The following ARID1B variants were observed in gnomAD, a reference collection of about 807,000 sequenced individuals.
The protein encoded by ARID1B is AT-rich interactive domain-containing protein 1B.
ARID1B carries 30 observed loss-of-function variants against 212.3 expected under a neutral mutation model. The ratio of observed to expected loss-of-function variants is 0.14; its 90% CI spans 0.11 to 0.19. ARID1B has a LOEUF of 0.19. ARID1B is among the 10% of genes least tolerant of loss of function. The probability of loss-of-function intolerance (pLI) is 1.00; values close to 1 mark genes in which losing one functional copy is unlikely to be tolerated. For synonymous variants in ARID1B, 1,402 were observed against 1,301.7 expected (o/e 1.08, Z -1.66); for missense variants, 2,891 against 3,204.0 (o/e 0.90, Z 2.36).
chr6:156,825,024 C>A (rs527433270), intron 1 of ARID1B, among the ~76,000 whole-genome samples: 9 of 152,032 alleles, frequency 5.9e-5, no homozygotes, highest in Non-Finnish European at 1.2e-4. Context: ...GCCACCATGC[C>A]TGGCTAATTT....
chr6:156,959,008 CTATT>C (rs1322933625), intron 4 of ARID1B, among the ~76,000 whole-genome samples: 1 of 152,188 alleles, frequency 6.6e-6, no homozygotes, highest in African/African-American at 2.4e-5. Context: ...ACCCCAAAGA[CTATT>C]TAATTATCAT....
chr6:157,050,669 A>G (rs895884628), intron 4 of ARID1B, among the ~76,000 whole-genome samples: 14 of 152,180 alleles, frequency 9.2e-5, no homozygotes, highest in Admixed American at 5.2e-4. Context: ...GTAGTAAATA[A>G]CCTTCATTAA....
intron 4 of ARID1B, among the ~76,000 whole-genome samples, chr6:157,005,103 G>T (rs562240563): frequency 6.7e-6 from 1 of 149,780 alleles, no homozygotes; most frequent in African/African-American, 2.5e-5. Flanking sequence ...TAGTAGAGAC[G>T]GGGTTTCACC....
intron 4 of ARID1B, among the ~76,000 whole-genome samples, chr6:157,045,342 C>CTAA (rs1782162900): frequency 6.6e-6 from 1 of 152,144 alleles, no homozygotes; most frequent in Admixed American, 6.5e-5. Context: ...ATAGTTATTT[C>CTAA]TTTTATGAGT....
At chr6:156,883,868 A>G (rs998723323) in intron 2 of ARID1B, among the ~76,000 whole-genome samples, 3 of 152,284 alleles carry the variant, frequency 2.0e-5, no homozygotes, top group African/African-American at 7.2e-5. Flanking sequence ...ACCAGCAGTA[A>G]GTTCTCTTTC....
chr6:157,124,594 T>A (rs1387664717), intron 6 of ARID1B, among the ~76,000 whole-genome samples: 1 of 152,246 alleles, frequency 6.6e-6, no homozygotes, highest in Non-Finnish European at 1.5e-5. Flanking sequence ...CACACCATCT[T>A]GTTTTTTAAG....
At chr6:157,010,618 C>A (rs1410707922) in intron 4 of ARID1B, among the ~76,000 whole-genome samples, 1 of 144,866 alleles carries the variant, frequency 6.9e-6, no homozygotes, top group Admixed American at 6.9e-5. Flanking sequence ...CCATGCCCGG[C>A]CTGTTTTTTT....
chr6:156,873,205 G>A (rs1786286763), intron 2 of ARID1B, among the ~76,000 whole-genome samples: 2 of 152,138 alleles, frequency 1.3e-5, no homozygotes, highest in Admixed American at 1.3e-4. Flanking sequence ...AAAGGGGAAT[G>A]GGCACAAATT....
At position 157,189,772 on chromosome 6, in the gene ARID1B, A is replaced by C; in HGVS notation, c.4050A>C (p.Gln1350His). ...CTCACGGCCAGATGACTCCAATGCAAGGTGGAAGGTATGTTCAAATAACTC... is the reference window on the plus strand; with the variant it reads ...CTCACGGCCAGATGACTCCAATGCACGGTGGAAGGTATGTTCAAATAACTC... ...STPHGQMTPM[Q>H]GGRSSTISVH... is the part of the protein sequence containing the mutation. Residue 1350 changes from glutamine (Q) to histidine (H), a missense_variant, in exon 14 of 20, where the codon CAA becomes CAC. This residue lies in a region of ARID1B where 666 missense variants were observed against 873.5 expected (regional missense o/e 0.76). Transcript: ENST00000636930. 1 of 1,613,502 alleles carries C rather than the reference A, an allele frequency of 6.2e-7. No homozygotes were observed.
intron 3 of ARID1B, among the ~76,000 whole-genome samples, chr6:156,905,827 T>A (rs968026560): frequency 2.0e-5 from 3 of 152,208 alleles, no homozygotes; most frequent in African/African-American, 7.2e-5. Flanking sequence ...TTTTTCTTTT[T>A]TTATCACGCT....
chr6:157,055,851 C>A (rs1782924361), intron 4 of ARID1B, among the ~76,000 whole-genome samples: 1 of 152,128 alleles, frequency 6.6e-6, no homozygotes, highest in Non-Finnish European at 1.5e-5. Flanking sequence ...GGCTGGAGTT[C>A]TAAGGTTCCC....
chr6:156,897,705 A>G (rs1788597888), intron 2 of ARID1B, among the ~76,000 whole-genome samples: 1 of 152,084 alleles, frequency 6.6e-6, no homozygotes, highest in African/African-American at 2.4e-5. Context: ...TTCGAGGCAA[A>G]GCATGCACTG....
intron 1 of ARID1B, among the ~76,000 whole-genome samples, chr6:156,785,370 A>C (rs1045912448): frequency 2.0e-5 from 3 of 152,202 alleles, no homozygotes; most frequent in Admixed American, 2.0e-4. Flanking sequence ...CTGGGCCTTG[A>C]TGAATGATGA....
chr6:157,070,647 A>G (rs1306555688), intron 4 of ARID1B, among the ~76,000 whole-genome samples: 1 of 152,250 alleles, frequency 6.6e-6, no homozygotes, highest in East Asian at 1.9e-4. Context: ...AGCATGCGGC[A>G]GTATCCCTTG....
chr6:157,179,174 C>T (rs1359798368), intron 11 of ARID1B, among the ~76,000 whole-genome samples: 1 of 151,780 alleles, frequency 6.6e-6, no homozygotes, highest in African/African-American at 2.4e-5. Context: ...GTGTAACTCC[C>T]CAAAGAAGAA....
chr6:156,880,129 G>A lies in ARID1B; in HGVS notation c.1987-21247G>A, dbSNP rs186797058. On this transcript the variant is annotated intron_variant, in intron 2 of 19. Transcript: ENST00000636930. The stretch of plus-strand genomic sequence containing the variant: ...GCCAATGTCAATGAAAAGCCTGGGA[G>A]GAAAAAGAGATTTCTGGGAGAGGGA... Among the ~76,000 whole-genome samples, 19 of 152,264 alleles carry A rather than the reference G, an allele frequency of 1.2e-4. No homozygotes were observed. The East Asian group carries it at 3.3e-3, about 26-fold the overall frequency.
At chr6:156,977,373 T>A (rs1307944953) in intron 4 of ARID1B, among the ~76,000 whole-genome samples, 1 of 152,018 alleles carries the variant, frequency 6.6e-6, no homozygotes, top group Non-Finnish European at 1.5e-5. Context: ...TTATTTTTCC[T>A]TTGTGGGCTG....
chr6:156,901,497 A>T lies in ARID1B; in HGVS notation c.2108A>T (p.Gln703Leu). 1 of 1,613,832 alleles carries T rather than the reference A, an allele frequency of 6.2e-7. No homozygotes were observed. Residue 703 changes from glutamine to leucine, a missense_variant, in exon 3 of 20, where the codon CAG becomes CTG. Gln to Leu is a moderately radical substitution (Grantham distance 113). Coordinates refer to ENST00000636930, the MANE Select transcript of ARID1B (RefSeq NM_001374828.1). ...LPPQAQYLPS[Q>L]SQQRYQPQQD... ...CCCCAGGCGCAGTATCTGCCGTCCC[A>T]GTCCCAGCAGAGGTACCAGCCGCAG...
intron 7 of ARID1B, among the ~76,000 whole-genome samples, chr6:157,137,345 A>G (rs1295889500): frequency 6.6e-6 from 1 of 152,228 alleles, no homozygotes; most frequent in African/African-American, 2.4e-5. Context: ...GCCACCTTCA[A>G]GCAAGCACAT....
Sources: gnomAD v4.1 joint callset for allele counts (sites outside exome capture counted in the v4.1 genomes callset) on GRCh38, gnomAD v4.1.1 for gene constraint, gnomAD v4.1.1 regional missense constraint, MANE v1.5 for transcripts, NCBI Gene and HGNC (gene_info 2026-07-23, HGNC 2026-07-21) for gene names.